The following ANO2 variants were observed in gnomAD, a reference collection of about 807,000 sequenced individuals.
ANO2 encodes anoctamin-2.
A neutral mutation model predicts 124.2 loss-of-function variants in ANO2; 101 were observed. The observed-to-expected ratio is 0.81, with a 90% CI of 0.69 to 0.96. The LOEUF is 0.96. ANO2 is among the 40% of genes least tolerant of loss of function. The probability of loss-of-function intolerance (pLI) is 0.00; values close to 1 mark genes in which losing one functional copy is unlikely to be tolerated. For synonymous variants in ANO2, 486 were observed against 482.5 expected, an observed-to-expected ratio of 1.01 and a Z score of -0.09; for missense variants, 1,293 against 1,274.5, an observed-to-expected ratio of 1.01 and a Z score of -0.22.
In ANO2 at chr12:5,829,235, G is replaced by A. The variant is rs557172800; in HGVS notation, c.840+1200C>T. Reference sequence around the variant, plus strand: ...ATTTTACGAGTACTTTGCAATTATCGAGTAATCTCCACAACACCTTATAAC... The same window carrying A: ...ATTTTACGAGTACTTTGCAATTATCAAGTAATCTCCACAACACCTTATAAC... On this transcript the variant is annotated intron_variant, in intron 6 of 24. Transcript: ENST00000682330. 2.6e-4 allele frequency among the ~76,000 whole-genome samples: 40 copies of A among 152,170 alleles called. 1 individual carries two copies. The highest frequency in any genetic ancestry group is 2.2e-3 in the Admixed American group (34 of 15,294).
intron 10 of ANO2, among the ~76,000 whole-genome samples, chr12:5,783,185 C>G (rs886120651): frequency 1.3e-5 from 2 of 152,260 alleles, no homozygotes; most frequent in Non-Finnish European, 2.9e-5. Context: ...TCAGACCTTT[C>G]TGTCCCGCAT....
At chr12:5,864,866 T>C (rs1009658410) in intron 3 of ANO2, among the ~76,000 whole-genome samples, 8 of 152,090 alleles carry the variant, frequency 5.3e-5, no homozygotes, top group African/African-American at 1.7e-4. Context: ...ATGCCCAGTA[T>C]CCCCTTCCTG....
At chr12:5,872,511 G>T (rs1184535507) in intron 3 of ANO2, among the ~76,000 whole-genome samples, 3 of 152,142 alleles carry the variant, frequency 2.0e-5, no homozygotes, top group African/African-American at 4.8e-5. Flanking sequence ...CAGATATCAG[G>T]CCCACTAGGA....
rs757156599 is a variant in ANO2 at position 5,908,593 on chromosome 12, C to G, written c.534+12447G>C. Among the ~76,000 whole-genome samples the G allele has an allele frequency of 3.9e-5, 6 of 152,040 alleles. No homozygotes were observed. Among genetic ancestry groups the G allele is most frequent in the Admixed American group, 6.5e-5 (1 of 15,282 alleles). On this transcript the variant is annotated intron_variant, in intron 3 of 24. Coordinates refer to ENST00000682330, the MANE Select transcript of ANO2 (RefSeq NM_001364791.2). This position sits in a 1 kb window ranked among gnomAD's most constrained non-coding sequence, Gnocchi z 4.7. ...CATTCTGGGAGACATCAGAATGGAC[C>G]CAGGGTTCCCTAGGAGGCATTAGGC...
intron 10 of ANO2, among the ~76,000 whole-genome samples, chr12:5,758,122 G>T (rs1011333136): frequency 1.3e-5 from 2 of 152,150 alleles, no homozygotes; most frequent in Admixed American, 1.3e-4. Flanking sequence ...AAGGACCTAG[G>T]CAAAGACCCA....
rs1591710579 is a variant in ANO2 at position 5,862,447 on chromosome 12, C to T, written c.535-8306G>A. Reference sequence around the variant, plus strand: ...CTGGGTGCCAACCTGGACAGACACGCAGAACGGGTGATCTCTGGACCTATC... The same window carrying T: ...CTGGGTGCCAACCTGGACAGACACGTAGAACGGGTGATCTCTGGACCTATC... On this transcript the variant is annotated intron_variant, in intron 3 of 24. Coordinates refer to ENST00000682330, the MANE Select transcript of ANO2 (RefSeq NM_001364791.2). This position sits in a 1 kb window ranked among gnomAD's most constrained non-coding sequence, Gnocchi z 4.0. 6.6e-6 allele frequency among the ~76,000 whole-genome samples: 1 copy of T among 152,336 alleles called. No individual in the cohort carries two copies. Among genetic ancestry groups the T allele is most frequent in the South Asian group, 2.1e-4 (1 of 4,830 alleles).
At position 5,565,418 on chromosome 12, in the gene ANO2, C is replaced by T. The variant is rs978985683; in HGVS notation, c.2727+140G>A. 2.7e-5 allele frequency: 20 copies of T among 749,790 alleles called. 1 individual carries two copies. In the Admixed American group the frequency reaches 5.0e-4, roughly 19 times the overall value. 46.4% of individuals were successfully genotyped at this position (749,790 alleles called of 1,614,324 possible). ...CTGCTTCAACCCGGAAAGGAGCCCT[C>T]ACTTCTGCCTGCCACACATGAAGCT... On this transcript the variant is annotated intron_variant, in intron 24 of 24. Transcript: ENST00000682330.
At chr12:5,941,151 T>C (rs567844913) in intron 1 of ANO2, among the ~76,000 whole-genome samples, 2 of 152,292 alleles carry the variant, frequency 1.3e-5, no homozygotes. Flanking sequence ...CTCTTTAGGA[T>C]GATGCAAATG....
chr12:5,563,062 G>T lies in ANO2; in HGVS notation c.*237C>A. ...GGTTCCAATCCCTCAAAAGGATGCA[G>T]CTTAAAAGGGGACCTAAAAGAAACT... On this transcript the variant is annotated 3_prime_UTR_variant, in exon 25 of 25. Transcript: ENST00000682330. 2 of 611,876 alleles carry T rather than the reference G, an allele frequency of 3.3e-6. No individual in the cohort carries two copies. The highest frequency in any genetic ancestry group is 2.8e-6 in the Non-Finnish European group (1 of 362,192). 37.9% of individuals were successfully genotyped at this position (611,876 alleles called of 1,614,324 possible).
rs542131634 is a variant in ANO2, at chr12:5,772,782, T to C, written c.1056-21812A>G. Among the ~76,000 whole-genome samples, 103 of 152,364 alleles carry C rather than the reference T, an allele frequency of 6.8e-4. No homozygotes were observed. In the South Asian group the frequency reaches 8.9e-3, roughly 13 times the overall value. ...CTTTACAGTACAATATCCCCTAATA[T>C]ATAGATCTAAATTAAAATATTTTTG... is the stretch of plus-strand genomic sequence containing the variant. On this transcript the variant is annotated intron_variant, in intron 10 of 24. Transcript: ENST00000682330.
intron 3 of ANO2, among the ~76,000 whole-genome samples, chr12:5,857,397 G>T (rs1391047961): frequency 6.6e-6 from 1 of 152,152 alleles, no homozygotes; most frequent in Non-Finnish European, 1.5e-5. Context: ...CCCAAGAATG[G>T]GATTGCTAGG....
chr12:5,720,678 T>C (rs1042361760), intron 14 of ANO2, among the ~76,000 whole-genome samples: 4 of 152,162 alleles, frequency 2.6e-5, no homozygotes, highest in Admixed American at 6.5e-5. Flanking sequence ...TGGTCTGAAA[T>C]ACCATCCTGA....
At chr12:5,577,431 G>C (rs1942475535) in intron 22 of ANO2, among the ~76,000 whole-genome samples, 1 of 152,226 alleles carries the variant, frequency 6.6e-6, no homozygotes. Context: ...CTGCAGTGTA[G>C]ACATATCTGG....
At chr12:5,938,888 A>T (rs1942770270) in intron 1 of ANO2, among the ~76,000 whole-genome samples, 1 of 151,980 alleles carries the variant, frequency 6.6e-6, no homozygotes, top group African/African-American at 2.4e-5. Context: ...GGTAGGCCAC[A>T]GGAGCACCTG....
chr12:5,586,618 C>T (rs983487361), intron 20 of ANO2, among the ~76,000 whole-genome samples: 1 of 152,172 alleles, frequency 6.6e-6, no homozygotes, highest in Non-Finnish European at 1.5e-5. Context: ...CAAAGAATAT[C>T]AGAGTTGAAA....
chr12:5,615,259 T>G lies in ANO2; in HGVS notation c.1855A>C (p.Ile619Leu), dbSNP rs764635461. The G allele has an allele frequency of 1.2e-6, 2 of 1,613,656 alleles. No individual in the cohort carries two copies. The highest frequency in any genetic ancestry group is 1.7e-5 in the Admixed American group (1 of 59,998). Residue 619 changes from isoleucine (I) to leucine (L), a missense_variant, in exon 17 of 25, where the codon ATC becomes CTC. Ile to Leu is a conservative substitution (Grantham distance 5). Coordinates refer to ENST00000682330, the MANE Select transcript of ANO2 (RefSeq NM_001364791.2). Reference protein sequence around the residue: ...KTEQTFEERLILKAFLLKFVN... With the variant: ...KTEQTFEERLLLKAFLLKFVN... Reference sequence around the variant, plus strand: ...AACTTGAGCAAGAAAGCTTTGAGGATCAGGCGCTCTTCAAAAGTCTGTTCT... The same window carrying G: ...AACTTGAGCAAGAAAGCTTTGAGGAGCAGGCGCTCTTCAAAAGTCTGTTCT...
At chr12:5,791,578 C>T (rs1488088385) in intron 10 of ANO2, among the ~76,000 whole-genome samples, 1 of 152,166 alleles carries the variant, frequency 6.6e-6, no homozygotes, top group African/African-American at 2.4e-5. Context: ...AACTCTGGGG[C>T]ACCTTCAGCT....
intron 23 of ANO2, among the ~76,000 whole-genome samples, chr12:5,574,077 G>A (rs1408168542): frequency 6.6e-6 from 1 of 152,210 alleles, no homozygotes; most frequent in African/African-American, 2.4e-5. Flanking sequence ...TATTATTGGG[G>A]ATGGTCTAAG....
At chr12:5,604,841 C>T (rs531003547) in intron 19 of ANO2, among the ~76,000 whole-genome samples, 13 of 152,102 alleles carry the variant, frequency 8.5e-5, no homozygotes, top group African/African-American at 2.9e-4. Context: ...CTTCAGATTA[C>T]GATTCCGACC....
Sources: allele counts gnomAD v4.1 joint callset (sites outside exome capture counted in the v4.1 genomes callset), GRCh38; gene constraint gnomAD v4.1.1; non-coding constraint Gnocchi (gnomAD v3.1); transcripts MANE v1.5; gene names NCBI Gene and HGNC (gene_info 2026-07-23, HGNC 2026-07-21).